MAP1B: variants seen among roughly 807,000 people sequenced by gnomAD.
The protein encoded by MAP1B is microtubule associated protein 1B.
In MAP1B, 12 loss-of-function variants were observed where a neutral mutation model predicts 176.1. The ratio of observed to expected loss-of-function variants is 0.07; its 90% CI spans 0.04 to 0.11. The LOEUF is 0.11. MAP1B is among the 10% of genes least tolerant of loss of function. The pLI, the probability that MAP1B is intolerant of heterozygous loss-of-function variation, is 1.00. For missense variants in MAP1B, 2,523 were observed against 2,990.5 expected (o/e 0.84, Z 3.65); for synonymous variants, 1,044 against 1,135.0 (o/e 0.92, Z 1.61).
chr5:72,150,444 A>C (rs1579996066), intron 2 of MAP1B, among the ~76,000 whole-genome samples: 1 of 152,256 alleles, frequency 6.6e-6, no homozygotes, highest in African/African-American at 2.4e-5. Flanking sequence ...GGATAACTTA[A>C]GCCCAGAGAG....
At chr5:72,121,887 T>G (rs1044261018) in intron 2 of MAP1B, among the ~76,000 whole-genome samples, 5 of 152,204 alleles carry the variant, frequency 3.3e-5, no homozygotes, top group Admixed American at 2.6e-4. Context: ...TCTAGCGGCA[T>G]TCAAGGGGCT....
intron 2 of MAP1B, among the ~76,000 whole-genome samples, chr5:72,153,399 T>G (rs1269660766): frequency 6.6e-6 from 1 of 152,086 alleles, no homozygotes; most frequent in African/African-American, 2.4e-5. Flanking sequence ...CAGAAAGTCT[T>G]TTAATTACAT....
intron 2 of MAP1B, among the ~76,000 whole-genome samples, chr5:72,183,504 G>C (rs374362793): frequency 2.0e-5 from 3 of 152,356 alleles, no homozygotes; most frequent in East Asian, 3.9e-4. Context: ...GAAAACTGGA[G>C]AGTGTGAGAG....
Position 72,200,322 on chromosome 5 carries a change from G to C in MAP1B, c.6967G>C (p.Ala2323Pro). The C allele has an allele frequency of 6.2e-7, 1 of 1,614,196 alleles. No homozygotes were observed. Among genetic ancestry groups the C allele is most frequent in the Non-Finnish European group, 8.5e-7 (1 of 1,180,034 alleles). The change falls in exon 5 of 7, where the codon GCT becomes CCT. Residue 2323 changes from alanine to proline, a missense_variant. Coordinates refer to ENST00000296755, the MANE Select transcript of MAP1B (RefSeq NM_005909.5). ...GEEKDKETKN[A>P]ANASASKSAK... Reference sequence around the variant, plus strand: ...AGAGAAAGACAAGGAGACCAAGAATGCTGCCAATGCCTCTGCATCCAAGTC... The same window carrying C: ...AGAGAAAGACAAGGAGACCAAGAATCCTGCCAATGCCTCTGCATCCAAGTC...
rs540646629 is a variant in MAP1B, at chr5:72,152,343, C to T, written c.287-31400C>T. The stretch of plus-strand genomic sequence containing the variant: ...TTCTGCAAAACCTGGGGTCGGACCC[C>T]GTTCACTCCCCTTCCTACCCTGAGC... On this transcript the variant is annotated intron_variant, in intron 2 of 6. Transcript: ENST00000296755. Among the ~76,000 whole-genome samples, 28 of 152,286 alleles carry T rather than the reference C, an allele frequency of 1.8e-4. No individual in the cohort carries two copies. The South Asian group carries it at 5.4e-3, about 29-fold the overall frequency.
intron 2 of MAP1B, among the ~76,000 whole-genome samples, chr5:72,174,537 G>T (rs956325228): frequency 2.0e-5 from 3 of 152,224 alleles, no homozygotes; most frequent in African/African-American, 7.2e-5. Flanking sequence ...TCTGTGAGGT[G>T]AGGAAATTCT....
chr5:72,120,475 A>T (rs1202126265), intron 2 of MAP1B, among the ~76,000 whole-genome samples: 8 of 144,308 alleles, frequency 5.5e-5, no homozygotes, highest in African/African-American at 2.1e-4. Context: ...CCCAGGCTGG[A>T]GTGCAGTGGC....
Position 72,198,884 on chromosome 5 carries a change from C to T in MAP1B, c.5529C>T (p.His1843=). The T allele has an allele frequency of 6.2e-7, 1 of 1,614,196 alleles. No individual in the cohort carries two copies. The highest frequency in any genetic ancestry group is 1.1e-5 in the South Asian group (1 of 91,088). The part of the protein sequence containing the change: ...RASVLFDTMQ[H]HLALNRDLST... Reference sequence around the variant, plus strand: ...CAGTGTTATTCGATACAATGCAACACCATCTAGCCTTGAATAGAGATTTGT... The same window carrying T: ...CAGTGTTATTCGATACAATGCAACATCATCTAGCCTTGAATAGAGATTTGT... Residue 1843 remains histidine (H), a synonymous_variant, in exon 5 of 7, where the codon CAC becomes CAT. Transcript: ENST00000296755.
At chr5:72,173,022 C>T (rs1361071786) in intron 2 of MAP1B, among the ~76,000 whole-genome samples, 3 of 152,200 alleles carry the variant, frequency 2.0e-5, no homozygotes, top group Non-Finnish European at 4.4e-5. Context: ...GGTCTCCATC[C>T]CAGTTCCGCT....
chr5:72,193,692 G>A (rs892193454), intron 4 of MAP1B, among the ~76,000 whole-genome samples, 174 bp from the exon 5 acceptor site: 6 of 152,182 alleles, frequency 3.9e-5, no homozygotes, highest in African/African-American at 1.4e-4. Flanking sequence ...TCACCTTCCA[G>A]TAGGGAAGTA....
Position 72,205,515 on chromosome 5 carries a change from C to T in MAP1B, c.*276C>T. 2.9e-6 allele frequency: 1 copy of T among 348,556 alleles called. No homozygotes were observed. 21.6% of individuals were successfully genotyped at this position (348,556 alleles called of 1,614,324 possible). A position where few individuals can be genotyped will look rare whatever the true frequency, so the allele number is the denominator to read the frequency against. ...GAACATTTGGAAACCATGCACTAGC[C>T]AACCCAACTGACTTCTGCTAGGTAG... On this transcript the variant is annotated 3_prime_UTR_variant, in exon 7 of 7. Transcript: ENST00000296755.
chr5:72,111,071 G>A (rs545754089), intron 1 of MAP1B, among the ~76,000 whole-genome samples: 10 of 152,128 alleles, frequency 6.6e-5, no homozygotes, highest in Non-Finnish European at 1.2e-4. Flanking sequence ...AATCGTTTTC[G>A]CTACCACCAA....
intron 1 of MAP1B, among the ~76,000 whole-genome samples, 168 bp downstream of exon 1, chr5:72,107,883 G>T (rs1011839466): frequency 2.6e-5 from 4 of 152,156 alleles, no homozygotes; most frequent in Non-Finnish European, 5.9e-5. Context: ...AGAATAATCC[G>T]AATTATTAGA....
intron 5 of MAP1B, among the ~76,000 whole-genome samples, chr5:72,203,104 C>A (rs994627964): frequency 2.0e-5 from 3 of 152,196 alleles, no homozygotes; most frequent in Non-Finnish European, 2.9e-5. Flanking sequence ...AAATTGCTAT[C>A]AATGAGACCC....
chr5:72,142,947 A>G (rs536354803), intron 2 of MAP1B, among the ~76,000 whole-genome samples: 16 of 152,296 alleles, frequency 1.1e-4, no homozygotes, highest in Admixed American at 7.8e-4. Flanking sequence ...GCCCAGCTTC[A>G]TAGTTCATTC....
In MAP1B at chr5:72,208,320, T is replaced by C. The variant is rs1207525490; in HGVS notation, c.*3081T>C. 1 of 152,178 alleles carries C rather than the reference T, an allele frequency of 6.6e-6. No homozygotes were observed. The highest frequency in any genetic ancestry group is 2.4e-5 in the African/African-American group (1 of 41,452). 9.4% of individuals were successfully genotyped at this position (152,178 alleles called of 1,614,324 possible). ...ATACTGATTACTTAATCCAATTGTATAGATTGAATATTTGAGTGGAAGGAA... is the reference window on the plus strand; with the variant it reads ...ATACTGATTACTTAATCCAATTGTACAGATTGAATATTTGAGTGGAAGGAA... On this transcript the variant is annotated 3_prime_UTR_variant, in exon 7 of 7. Coordinates refer to ENST00000296755, the MANE Select transcript of MAP1B (RefSeq NM_005909.5).
intron 3 of MAP1B, among the ~76,000 whole-genome samples, chr5:72,185,025 A>G (rs1231140045): frequency 2.0e-5 from 3 of 152,144 alleles, no homozygotes; most frequent in Non-Finnish European, 4.4e-5. Context: ...TGATTTGCCA[A>G]TTCTGGACAT....
rs139505619 is a variant in MAP1B at position 72,169,290 on chromosome 5, AAGAGCTAG to A, written c.287-14452_287-14445del. Among the ~76,000 whole-genome samples the A allele has an allele frequency of 1.1e-3, 170 of 152,332 alleles. 1 individual carries two copies. Among genetic ancestry groups the A allele is most frequent in the Middle Eastern group, 6.8e-3 (2 of 294 alleles). On this transcript the variant is annotated intron_variant, in intron 2 of 6. Transcript: ENST00000296755. ...CAGTTTTTGGCCCTAATCACTTGAAAAGAGCTAGGCAATGTCTTCTTTTTAATTATTTA... is the reference window on the plus strand; with the variant it reads ...CAGTTTTTGGCCCTAATCACTTGAAAGCAATGTCTTCTTTTTAATTATTTA...
chr5:72,139,920 A>G (rs1228242611), intron 2 of MAP1B, among the ~76,000 whole-genome samples: 1 of 152,190 alleles, frequency 6.6e-6, no homozygotes, highest in Non-Finnish European at 1.5e-5. Flanking sequence ...TTTAACCTTA[A>G]AGACAAACAT....
Sources: allele counts gnomAD v4.1 joint callset (sites outside exome capture counted in the v4.1 genomes callset), GRCh38; gene constraint gnomAD v4.1.1; transcripts MANE v1.5; gene names NCBI Gene and HGNC (gene_info 2026-07-23, HGNC 2026-07-21).